FNTA: variants seen among roughly 807,000 people sequenced by gnomAD.
The protein encoded by FNTA is protein farnesyltransferase/geranylgeranyltransferase type-1 subunit alpha.
A neutral mutation model predicts 55.2 loss-of-function variants in FNTA; 27 were observed. The observed-to-expected ratio is 0.49, with a 90% CI of 0.36 to 0.67. FNTA has a LOEUF of 0.67. Ranked by LOEUF, FNTA falls within the 30% of genes least tolerant of loss-of-function variation. The pLI is 0.00. For synonymous variants in FNTA, 176 were observed against 170.7 expected (o/e 1.03, Z -0.24); for missense variants, 422 against 464.7 (o/e 0.91, Z 0.85).
intron 3 of FNTA, among the ~76,000 whole-genome samples, chr8:43,064,451 T>C (rs1441150160): frequency 1.3e-5 from 2 of 151,966 alleles, no homozygotes; most frequent in Admixed American, 1.3e-4. Context: ...TAGCTGGGAT[T>C]ACGGGCGCCC....
intron 4 of FNTA, 61 bp downstream of exon 4, chr8:43,069,720 C>G: frequency 6.4e-6 from 6 of 936,084 alleles, no homozygotes; most frequent in African/African-American, 1.6e-5. Flanking sequence ...CCTCGGCTCA[C>G]TGCAGCCTCT....
Position 43,084,737 on chromosome 8 carries a change from A to G in FNTA, c.873A>G (p.Lys291=), listed in dbSNP as rs1450100556. The part of the protein sequence containing the change: ...KGILQDRGLS[K]YPNLLNQLLD... The stretch of plus-strand genomic sequence containing the variant: ...TTTTGCAGGATCGTGGTCTTTCCAA[A>G]TATCCTAATCTGTTAAATCAATTAC... The change falls in exon 8 of 9, where the codon AAA becomes AAG. Residue 291 remains lysine (K), a synonymous_variant. Coordinates refer to ENST00000302279, the MANE Select transcript of FNTA (RefSeq NM_002027.3). 11 of 1,610,728 alleles carry G rather than the reference A, an allele frequency of 6.8e-6. No homozygotes were observed. Among genetic ancestry groups the G allele is most frequent in the African/African-American group, 1.3e-5 (1 of 74,782 alleles).
intron 3 of FNTA, among the ~76,000 whole-genome samples, chr8:43,067,653 T>A (rs910478509): frequency 1.2e-4 from 19 of 152,028 alleles, no homozygotes; most frequent in Admixed American, 5.2e-4. Context: ...CTACTTTTTT[T>A]TTTTTTTTGG....
chr8:43,073,384 T>G (rs1356737991), intron 5 of FNTA: 1 of 152,158 alleles, frequency 6.6e-6, no homozygotes, highest in Non-Finnish European at 1.5e-5. Context: ...TCATAAAAGG[T>G]TCGTATGAGA....
chr8:43,062,244 T>C (rs1302518961), intron 2 of FNTA, among the ~76,000 whole-genome samples: 1 of 151,950 alleles, frequency 6.6e-6, no homozygotes, highest in East Asian at 1.9e-4. Context: ...ACATATTTAA[T>C]ATGTTACCAT....
chr8:43,081,953 A>AT (rs1338595224), intron 6 of FNTA: 2 of 152,252 alleles, frequency 1.3e-5, no homozygotes, highest in Non-Finnish European at 2.9e-5. Flanking sequence ...TGAAATTAAG[A>AT]ATCTTAAACA....
At position 43,056,652 on chromosome 8, in the gene FNTA, C is replaced by G. The variant is rs543726123; in HGVS notation, c.200+106C>G. ...CCCCGGCGCGCCAGGCCGAAGTTCC[C>G]GTGGCGCCGCGTGGGCCGGTGCATG... On this transcript the variant is annotated intron_variant, in intron 1 of 8. Coordinates refer to ENST00000302279, the MANE Select transcript of FNTA (RefSeq NM_002027.3). 266 of 650,218 alleles carry G rather than the reference C, an allele frequency of 4.1e-4. No individual in the cohort carries two copies. The African/African-American group carries it at 4.8e-3, about 12-fold the overall frequency. 40.3% of individuals were successfully genotyped at this position (650,218 alleles called of 1,614,324 possible).
chr8:43,059,155 C>A lies in FNTA; in HGVS notation c.264C>A (p.Val88=). 6.2e-7 allele frequency: 1 copy of A among 1,612,588 alleles called. No individual in the cohort carries two copies. Among genetic ancestry groups the A allele is most frequent in the Non-Finnish European group, 8.5e-7 (1 of 1,179,308 alleles). The change falls in exon 2 of 9, where the codon GTC becomes GTA. Residue 88 remains valine, a synonymous_variant. Coordinates refer to ENST00000302279, the MANE Select transcript of FNTA (RefSeq NM_002027.3). The stretch of plus-strand genomic sequence containing the variant: ...AGAATGATGGCCCCAATCCCGTGGT[C>A]CAGATCATTTATAGTGACAAATGTA... ...VPQNDGPNPV[V]QIIYSDKFRD...
intron 4 of FNTA, among the ~76,000 whole-genome samples, chr8:43,070,679 GT>G (rs957302734): frequency 6.6e-6 from 1 of 152,232 alleles, no homozygotes; most frequent in Non-Finnish European, 1.5e-5. Context: ...AAGCCCAGCA[GT>G]TTTGAAATTG....
At chr8:43,072,742 A>G (rs1461097491) in intron 5 of FNTA, among the ~76,000 whole-genome samples, 2 of 152,082 alleles carry the variant, frequency 1.3e-5, no homozygotes, top group African/African-American at 4.8e-5. Context: ...AAAAAAAACA[A>G]ACATTATTAA....
intron 1 of FNTA, among the ~76,000 whole-genome samples, chr8:43,057,503 G>A (rs1450993870): frequency 1.3e-5 from 2 of 152,090 alleles, no homozygotes; most frequent in Non-Finnish European, 2.9e-5. Flanking sequence ...ACTAAATACA[G>A]CCTTACCTTT....
Position 43,063,846 on chromosome 8 carries a change from T to G in FNTA, c.287-255T>G, listed in dbSNP as rs142595823. On this transcript the variant is annotated intron_variant, in intron 2 of 8. Coordinates refer to ENST00000302279, the MANE Select transcript of FNTA (RefSeq NM_002027.3). Reference sequence around the variant, plus strand: ...TTTTATACATAAGGCCTATGGGAGATATGGAATCTGGCATGAACTCATGCA... The same window carrying G: ...TTTTATACATAAGGCCTATGGGAGAGATGGAATCTGGCATGAACTCATGCA... Among the ~76,000 whole-genome samples, 355 of 152,306 alleles carry G rather than the reference T, an allele frequency of 2.3e-3. 5 individuals are homozygous for G. Among genetic ancestry groups the G allele is most frequent in the African/African-American group, 8.1e-3 (336 of 41,564 alleles).
At chr8:43,060,727 A>G (rs899492013) in intron 2 of FNTA, among the ~76,000 whole-genome samples, 1 of 152,170 alleles carries the variant, frequency 6.6e-6, no homozygotes, top group Non-Finnish European at 1.5e-5. Context: ...CACCATGGTT[A>G]GAAACCCTAA....
intron 2 of FNTA, 145 bp downstream of exon 2, chr8:43,059,322 T>TA (rs1563325076): frequency 1.0e-5 from 6 of 600,642 alleles, no homozygotes; most frequent in Admixed American, 6.6e-5. Flanking sequence ...GTGTTTTTTT[T>TA]ATGTGTGTGT....
At chr8:43,082,415 A>G (rs912678905) in intron 6 of FNTA, 1 of 152,186 alleles carries the variant, frequency 6.6e-6, no homozygotes, top group Non-Finnish European at 1.5e-5. Flanking sequence ...AAATTCTCCT[A>G]TTTCAGTGAC....
At chr8:43,057,812 G>A (rs1810444673) in intron 1 of FNTA, among the ~76,000 whole-genome samples, 1 of 152,104 alleles carries the variant, frequency 6.6e-6, no homozygotes, top group Non-Finnish European at 1.5e-5. Flanking sequence ...ACAAAAATTA[G>A]CCGGGCGTGG....
rs1054061997 is a variant in FNTA, at chr8:43,076,333, C to T, written c.634-883C>T. ...TGCTGGGATTACAAACTTGAGCCAC[C>T]GTGCCCGGACTGTCTTTATTATTTT... On this transcript the variant is annotated intron_variant, in intron 5 of 8. Coordinates refer to ENST00000302279, the MANE Select transcript of FNTA (RefSeq NM_002027.3). Among the ~76,000 whole-genome samples the T allele has an allele frequency of 4.6e-5, 7 of 152,072 alleles. No individual in the cohort carries two copies. In the South Asian group the frequency reaches 6.2e-4, roughly 14 times the overall value.
chr8:43,071,853 G>A (rs1010793063), intron 4 of FNTA, among the ~76,000 whole-genome samples: 5 of 152,124 alleles, frequency 3.3e-5, no homozygotes, highest in African/African-American at 7.2e-5. Context: ...ATTGACAGGC[G>A]TGTGTTAAGT....
chr8:43,083,063 G>A, intron 6 of FNTA, 55 bp from the exon 7 acceptor site: 1 of 1,022,482 alleles, frequency 9.8e-7, no homozygotes, highest in South Asian at 1.5e-5. Context: ...AAAAAAAACT[G>A]TGTCTCATCA....
Sources: allele counts gnomAD v4.1 joint callset (sites outside exome capture counted in the v4.1 genomes callset), GRCh38; gene constraint gnomAD v4.1.1; transcripts MANE v1.5; gene names NCBI Gene and HGNC (gene_info 2026-07-23, HGNC 2026-07-21).